SERGEF: variants seen among roughly 807,000 people sequenced by gnomAD.
The protein encoded by SERGEF is secretion regulating guanine nucleotide exchange factor.
SERGEF carries 51 observed loss-of-function variants against 50.0 expected under a neutral mutation model. That is an observed-to-expected ratio of 1.02 (90% CI 0.81 to 1.29). The LOEUF is 1.29. Ranked by LOEUF, SERGEF falls within the 50% of genes most tolerant of loss-of-function variation. The pLI is 0.00. For missense variants in SERGEF, 521 were observed against 557.0 expected (o/e 0.94, Z 0.65); for synonymous variants, 205 against 212.4 (o/e 0.97, Z 0.30).
intron 9 of SERGEF, among the ~76,000 whole-genome samples, chr11:17,892,236 A>G (rs1016291798): frequency 1.3e-5 from 2 of 152,212 alleles, no homozygotes; most frequent in Non-Finnish European, 2.9e-5. Context: ...CCATTCAGAG[A>G]CAGTTTACCA....
chr11:17,864,177 T>C (rs1850980217), intron 10 of SERGEF, among the ~76,000 whole-genome samples: 1 of 152,234 alleles, frequency 6.6e-6, no homozygotes, highest in Non-Finnish European at 1.5e-5. Flanking sequence ...TGTAAACAAG[T>C]GCAGTGGGTC....
At chr11:17,994,545 G>C (rs571720381) in intron 6 of SERGEF, among the ~76,000 whole-genome samples, 2 of 151,370 alleles carry the variant, frequency 1.3e-5, no homozygotes, top group African/African-American at 4.9e-5. Context: ...AAGGCATTTC[G>C]GGCAGAGGTA....
At position 18,012,935 on chromosome 11, in the gene SERGEF, G is replaced by T; in HGVS notation, c.60+16C>A. 6.6e-7 allele frequency: 1 copy of T among 1,518,218 alleles called. No homozygotes were observed. Among genetic ancestry groups the T allele is most frequent in the Non-Finnish European group, 8.8e-7 (1 of 1,141,570 alleles). The allele number at this position is 1,518,218 out of a possible 1,614,324, so 94.0% of individuals were successfully genotyped here. A position where few individuals can be genotyped will look rare whatever the true frequency, so the allele number is the denominator to read the frequency against. On this transcript the variant is annotated intron_variant, in intron 1 of 10. Transcript: ENST00000265965. ...CCCCTCAGGGCCTGCACCGGCCCGG[G>T]GGCGGAGTCACGTACCCAGGCGAAG... is the stretch of plus-strand genomic sequence containing the variant.
At chr11:18,010,202 T>TA in intron 1 of SERGEF, 2 of 638,988 alleles carry the variant, frequency 3.1e-6, no homozygotes, top group Middle Eastern at 1.1e-3. Flanking sequence ...CTTACATACA[T>TA]ACATACATAA....
At chr11:17,937,398 G>A (rs777136029) in intron 9 of SERGEF, among the ~76,000 whole-genome samples, 9 of 152,042 alleles carry the variant, frequency 5.9e-5, no homozygotes, top group East Asian at 1.9e-4. Context: ...ACAGCCAGGC[G>A]TGGTGGTGCG....
chr11:17,963,613 T>C (rs1215345094), intron 8 of SERGEF, among the ~76,000 whole-genome samples: 1 of 152,114 alleles, frequency 6.6e-6, no homozygotes, highest in Non-Finnish European at 1.5e-5. Context: ...CTTGAACTCC[T>C]GACCTCAAGT....
chr11:17,840,671 T>C (rs1413909145), intron 10 of SERGEF, among the ~76,000 whole-genome samples: 4 of 152,026 alleles, frequency 2.6e-5, no homozygotes, highest in Admixed American at 1.3e-4. Context: ...CAAAGACAGA[T>C]TGAAGAGTTG....
intron 10 of SERGEF, among the ~76,000 whole-genome samples, chr11:17,831,090 GA>G (rs549991381): frequency 6.6e-6 from 1 of 151,876 alleles, no homozygotes; most frequent in South Asian, 2.1e-4. Context: ...TGAGGTCCAG[GA>G]AAAAAAACTA....
intron 9 of SERGEF, among the ~76,000 whole-genome samples, chr11:17,930,638 C>G (rs148406405): frequency 1.4e-3 from 217 of 152,324 alleles, no homozygotes; most frequent in African/African-American, 5.0e-3. Context: ...CAAAGGTCTA[C>G]AAGTAAGCTT....
intron 9 of SERGEF, among the ~76,000 whole-genome samples, chr11:17,881,367 T>C (rs991500578): frequency 6.6e-6 from 1 of 152,162 alleles, no homozygotes; most frequent in African/African-American, 2.4e-5. Context: ...CAGTGATGAA[T>C]TGATTTTGTC....
chr11:17,795,381 AACAG>A (rs1285223348), intron 10 of SERGEF, among the ~76,000 whole-genome samples: 1 of 152,186 alleles, frequency 6.6e-6, no homozygotes, highest in Non-Finnish European at 1.5e-5. Context: ...TCTAGATGGC[AACAG>A]CAGGATGGAA....
At chr11:17,899,303 A>G (rs1851702455) in intron 9 of SERGEF, among the ~76,000 whole-genome samples, 1 of 152,204 alleles carries the variant, frequency 6.6e-6, no homozygotes, top group Admixed American at 6.5e-5. Flanking sequence ...TTTCCCTTCT[A>G]CGGTTTCAAA....
At chr11:17,883,338 G>A (rs1341101766) in intron 9 of SERGEF, among the ~76,000 whole-genome samples, 1 of 152,234 alleles carries the variant, frequency 6.6e-6, no homozygotes, top group Non-Finnish European at 1.5e-5. Flanking sequence ...TTGGATGAAT[G>A]TGAAAATGCT....
intron 9 of SERGEF, among the ~76,000 whole-genome samples, chr11:17,890,661 T>A (rs1035885021): frequency 2.0e-5 from 3 of 152,114 alleles, no homozygotes; most frequent in Non-Finnish European, 4.4e-5. Context: ...GCTCAAGCGA[T>A]ACTCCCACCT....
At chr11:17,849,287 G>A (rs1850671102) in intron 10 of SERGEF, among the ~76,000 whole-genome samples, 1 of 152,026 alleles carries the variant, frequency 6.6e-6, no homozygotes, top group Non-Finnish European at 1.5e-5. Context: ...TGTTCTCCTA[G>A]TCAAATTCTA....
intron 10 of SERGEF, among the ~76,000 whole-genome samples, chr11:17,808,679 C>T (rs1480811726): frequency 6.6e-6 from 1 of 152,194 alleles, no homozygotes; most frequent in Non-Finnish European, 1.5e-5. Context: ...ACAAATGGGC[C>T]CTCCAGGATA....
At chr11:17,866,023 G>A (rs115837371) in intron 10 of SERGEF, among the ~76,000 whole-genome samples, 1 of 152,260 alleles carries the variant, frequency 6.6e-6, no homozygotes, top group African/African-American at 2.4e-5. Flanking sequence ...ACCATATTTT[G>A]CCTGAGAAAG....
At chr11:17,918,621 A>AC in intron 9 of SERGEF, 1 of 182,492 alleles carries the variant, frequency 5.5e-6, no homozygotes. Context: ...ATAAAGCAGG[A>AC]ACAGACACAC....
chr11:17,834,316 GA>G (rs1489106226), intron 10 of SERGEF, among the ~76,000 whole-genome samples: 3 of 152,164 alleles, frequency 2.0e-5, no homozygotes, highest in Admixed American at 1.3e-4. Context: ...TCATGATTGT[GA>G]GGCTTCCTCA....
Sources: gnomAD v4.1 joint callset for allele counts (sites outside exome capture counted in the v4.1 genomes callset) on GRCh38, gnomAD v4.1.1 for gene constraint, MANE v1.5 for transcripts, NCBI Gene and HGNC (gene_info 2026-07-23, HGNC 2026-07-21) for gene names.